The following ZSWIM6 variants were observed in gnomAD, a reference collection of about 807,000 sequenced individuals.
ZSWIM6 encodes the protein zinc finger SWIM domain-containing protein 6.
In ZSWIM6, 9 loss-of-function variants were observed where a neutral mutation model predicts 113.2. The observed-to-expected ratio is 0.08, with a 90% CI of 0.05 to 0.14. ZSWIM6 has a LOEUF of 0.14. ZSWIM6 is among the 10% of genes least tolerant of loss of function. The pLI is 1.00. For missense variants in ZSWIM6, 1,162 were observed against 1,552.2 expected (o/e 0.75, Z 4.22); for synonymous variants, 611 against 606.5 (o/e 1.01, Z -0.11).
intron 1 of ZSWIM6, among the ~76,000 whole-genome samples, chr5:61,384,372 A>G (rs528175282): frequency 1.3e-5 from 2 of 152,358 alleles, no homozygotes; most frequent in South Asian, 4.1e-4. Context: ...CTTTGCTGGT[A>G]AGAATTCTTC....
At chr5:61,413,821 C>G (rs1746192984) in intron 1 of ZSWIM6, among the ~76,000 whole-genome samples, 2 of 150,596 alleles carry the variant, frequency 1.3e-5, no homozygotes, top group Admixed American at 1.3e-4. Context: ...TAAATATCTT[C>G]TTTTGAGAAG....
chr5:61,353,905 C>T (rs1417585874), intron 1 of ZSWIM6, among the ~76,000 whole-genome samples: 3 of 152,180 alleles, frequency 2.0e-5, no homozygotes, highest in African/African-American at 4.8e-5. Context: ...TACTGGAAGG[C>T]ACAACTTCGA....
At chr5:61,401,109 C>T (rs1240632137) in intron 1 of ZSWIM6, among the ~76,000 whole-genome samples, 1 of 151,956 alleles carries the variant, frequency 6.6e-6, no homozygotes, top group Non-Finnish European at 1.5e-5. Flanking sequence ...ATTATGTTCT[C>T]GTTAGCTTTT....
At chr5:61,504,201 C>T (rs918035910) in intron 4 of ZSWIM6, among the ~76,000 whole-genome samples, 1 of 152,190 alleles carries the variant, frequency 6.6e-6, no homozygotes, top group Non-Finnish European at 1.5e-5. Flanking sequence ...ATCTAGCCTT[C>T]TCCACCCATG....
chr5:61,516,821 ATTTCT>A (rs1406063496), intron 4 of ZSWIM6, among the ~76,000 whole-genome samples: 8 of 151,846 alleles, frequency 5.3e-5, no homozygotes, highest in Non-Finnish European at 1.2e-4. Context: ...TTCCTTCAAC[ATTTCT>A]TTTAGAACAG....
chr5:61,491,551 T>A (rs1748176495), intron 3 of ZSWIM6, among the ~76,000 whole-genome samples: 1 of 152,112 alleles, frequency 6.6e-6, no homozygotes, highest in South Asian at 2.1e-4. Context: ...TAAAAATTGA[T>A]GGCTCAATAA....
Position 61,535,601 on chromosome 5 carries a change from T to C in ZSWIM6, c.2363T>C (p.Ile788Thr), listed in dbSNP as rs941362047. The C allele has an allele frequency of 1.9e-6, 3 of 1,551,128 alleles. No individual in the cohort carries two copies. The African/African-American group carries it at 4.1e-5, about 21-fold the overall frequency. ...LPHDAELAYK[I>T]ALRAMRLLVL... ...CACGATGCTGAATTGGCATACAAAATTGCACTGAGAGCAATGCGGTATGTA... is the reference window on the plus strand; with the variant it reads ...CACGATGCTGAATTGGCATACAAAACTGCACTGAGAGCAATGCGGTATGTA... Residue 788 changes from isoleucine (I) to threonine (T), a missense_variant, in exon 10 of 14, where the codon ATT becomes ACT. By Grantham distance (89) the Ile-to-Thr change is moderately conservative (BLOSUM62 -1). Coordinates refer to ENST00000252744, the MANE Select transcript of ZSWIM6 (RefSeq NM_020928.2).
intron 1 of ZSWIM6, among the ~76,000 whole-genome samples, chr5:61,429,280 T>C (rs1181686773): frequency 1.3e-5 from 2 of 152,242 alleles, no homozygotes; most frequent in Non-Finnish European, 2.9e-5. Flanking sequence ...ATCTTGCTTT[T>C]GTATTAAAAT....
At chr5:61,515,931 G>C (rs1748923567) in intron 4 of ZSWIM6, among the ~76,000 whole-genome samples, 1 of 151,992 alleles carries the variant, frequency 6.6e-6, no homozygotes, top group South Asian at 2.1e-4. Context: ...ACCTGGTATA[G>C]TATTCCTTGT....
chr5:61,519,048 CCTTTCCCCATTGCTTGTTTTTCT>C (rs1378314351), intron 4 of ZSWIM6, among the ~76,000 whole-genome samples: 2 of 152,092 alleles, frequency 1.3e-5, no homozygotes, highest in African/African-American at 2.4e-5. Context: ...AATAGGGAAT[CCTTTCCCCATTGCTTGTTTTTCT>C]CTTTCCCCAT....
intron 1 of ZSWIM6, among the ~76,000 whole-genome samples, chr5:61,358,936 T>C (rs1327914257): frequency 6.6e-6 from 1 of 152,208 alleles, no homozygotes; most frequent in Non-Finnish European, 1.5e-5. Context: ...TTTGGCTGGC[T>C]CAAGAGCTGA....
intron 3 of ZSWIM6, 117 bp from the exon 4 acceptor site, chr5:61,494,143 C>A (rs1748258221): frequency 4.4e-6 from 5 of 1,129,590 alleles, no homozygotes; most frequent in African/African-American, 1.5e-5. Context: ...CACACACACA[C>A]ACGGAGAGAG....
At chr5:61,438,109 A>G (rs1220077706) in intron 1 of ZSWIM6, among the ~76,000 whole-genome samples, 1 of 152,148 alleles carries the variant, frequency 6.6e-6, no homozygotes, top group Non-Finnish European at 1.5e-5. Context: ...TTTCTTTGCT[A>G]TACATCCTAT....
intron 1 of ZSWIM6, among the ~76,000 whole-genome samples, chr5:61,334,893 GTT>G (rs35540222): frequency 1.1e-4 from 16 of 143,788 alleles, no homozygotes; most frequent in South Asian, 4.4e-4. Flanking sequence ...AATGTTGAGG[GTT>G]TTTTTTTTTT....
chr5:61,352,969 G>A lies in ZSWIM6; in HGVS notation c.676+20021G>A, dbSNP rs145763349. Among the ~76,000 whole-genome samples the A allele has an allele frequency of 2.0e-5, 3 of 152,296 alleles. No individual in the cohort carries two copies. In the East Asian group the frequency reaches 5.8e-4, roughly 29 times the overall value. On this transcript the variant is annotated intron_variant, in intron 1 of 13. Coordinates refer to ENST00000252744, the MANE Select transcript of ZSWIM6 (RefSeq NM_020928.2). ...ATGGGGGCAAGGCACTGACCTTGGA[G>A]CTCATGTGCAGGTCACTGTGGGCCA...
At chr5:61,421,073 C>G (rs1324359318) in intron 1 of ZSWIM6, among the ~76,000 whole-genome samples, 1 of 151,950 alleles carries the variant, frequency 6.6e-6, no homozygotes. Flanking sequence ...GCGCACCCTG[C>G]TCAGCTAATT....
chr5:61,513,465 C>CT (rs943320918), intron 4 of ZSWIM6, among the ~76,000 whole-genome samples: 4 of 152,046 alleles, frequency 2.6e-5, no homozygotes, highest in Non-Finnish European at 5.9e-5. Flanking sequence ...TAGAATAAAA[C>CT]TTTTAAATTT....
chr5:61,359,559 G>A (rs1326672025), intron 1 of ZSWIM6, among the ~76,000 whole-genome samples: 3 of 152,160 alleles, frequency 2.0e-5, no homozygotes, highest in South Asian at 2.1e-4. Context: ...GAGGGAACCC[G>A]CAGATTTTGC....
chr5:61,524,307 C>G (rs1033083839), intron 5 of ZSWIM6, among the ~76,000 whole-genome samples: 1 of 151,960 alleles, frequency 6.6e-6, no homozygotes, highest in African/African-American at 2.4e-5. Flanking sequence ...CCATCCACCT[C>G]TAGTGAGGAG....
Sources: allele counts gnomAD v4.1 joint callset (sites outside exome capture counted in the v4.1 genomes callset), GRCh38; gene constraint gnomAD v4.1.1; transcripts MANE v1.5; gene names NCBI Gene and HGNC (gene_info 2026-07-23, HGNC 2026-07-21).